CAPN8: variants seen among roughly 807,000 people sequenced by gnomAD.
CAPN8 encodes the protein calpain-8.
In CAPN8, 87 loss-of-function variants were observed where a neutral mutation model predicts 80.9. The observed-to-expected ratio is 1.07, with a 90% CI of 0.90 to 1.28. The LOEUF (loss-of-function observed/expected upper bound fraction) is 1.28, where lower values mean the gene tolerates loss of function less well. Ranked by LOEUF, CAPN8 falls within the 50% of genes most tolerant of loss-of-function variation. The probability of loss-of-function intolerance (pLI) is 0.00; values close to 1 mark genes in which losing one functional copy is unlikely to be tolerated. For synonymous variants in CAPN8, 299 were observed against 273.8 expected, an observed-to-expected ratio of 1.09 and a Z score of -0.91; for missense variants, 757 against 702.0, an observed-to-expected ratio of 1.08 and a Z score of -0.89.
intron 20 of CAPN8, among the ~76,000 whole-genome samples, chr1:223,542,528 C>T (rs1485743808): frequency 1.3e-5 from 2 of 152,140 alleles, no homozygotes; most frequent in East Asian, 3.9e-4. Flanking sequence ...AGTTCCACCG[C>T]CTCAGAATCA....
chr1:223,549,481 G>A, intron 15 of CAPN8, 99 bp from the exon 16 acceptor site: 1 of 1,526,602 alleles, frequency 6.6e-7, no homozygotes, highest in Non-Finnish European at 8.8e-7. Flanking sequence ...CCATCCAAGG[G>A]TGTGGAACCG....
chr1:223,663,723 A>G (rs1437368805), intron 1 of CAPN8, among the ~76,000 whole-genome samples: 1 of 152,186 alleles, frequency 6.6e-6, no homozygotes, highest in Admixed American at 6.5e-5. Context: ...TAGGTTTCAG[A>G]GGGGAATGGG....
rs1200817755 is a variant in CAPN8 at position 223,555,065 on chromosome 1, C to T, written c.1573-1165G>A. 2.0e-5 allele frequency among the ~76,000 whole-genome samples: 3 copies of T among 152,336 alleles called. No individual in the cohort carries two copies. In the East Asian group the frequency reaches 5.8e-4, roughly 29 times the overall value. On this transcript the variant is annotated intron_variant, in intron 13 of 20. Coordinates refer to ENST00000366872, the MANE Select transcript of CAPN8 (RefSeq NM_001143962.2). ...AAAGGCCCAATATAGCTTGATGATGCTGTACTCATAAAGATAACCACTGTA... is the reference window on the plus strand; with the variant it reads ...AAAGGCCCAATATAGCTTGATGATGTTGTACTCATAAAGATAACCACTGTA...
chr1:223,622,609 C>T, intron 7 of CAPN8: 1 of 560,370 alleles, frequency 1.8e-6, no homozygotes, highest in Admixed American at 3.4e-5. Flanking sequence ...AGCAGAAAGC[C>T]AGAATCGAAG....
chr1:223,547,505 CT>C (rs1265088018), intron 16 of CAPN8, among the ~76,000 whole-genome samples: 8 of 152,134 alleles, frequency 5.3e-5, no homozygotes, highest in Admixed American at 3.3e-4. Flanking sequence ...TACAGGGTTT[CT>C]TTTTAGGGTG....
intron 16 of CAPN8, 90 bp downstream of exon 16, chr1:223,549,228 G>A (rs533802238): frequency 1.9e-5 from 29 of 1,496,248 alleles, no homozygotes; most frequent in Admixed American, 1.3e-4. Flanking sequence ...TTTTTTACCC[G>A]TCCCTTCCTT....
intron 15 of CAPN8, 107 bp downstream of exon 15, chr1:223,550,853 C>T: frequency 1.6e-6 from 1 of 642,106 alleles, no homozygotes; most frequent in Non-Finnish European, 2.8e-6. Flanking sequence ...ACACCAATGC[C>T]CTTTCTCCCA....
intron 18 of CAPN8, 186 bp from the exon 19 acceptor site, chr1:223,544,369 G>C (rs1312498530): frequency 3.4e-6 from 2 of 597,000 alleles, no homozygotes; most frequent in African/African-American, 3.7e-5. Context: ...TCTCCTTGTA[G>C]CTACTCCTCA....
chr1:223,660,377 C>T (rs185221688), intron 1 of CAPN8, among the ~76,000 whole-genome samples: 120 of 152,282 alleles, frequency 7.9e-4, no homozygotes, highest in African/African-American at 2.7e-3. Context: ...CAAAAATCTA[C>T]CTGCTAAGAA....
At chr1:223,658,215 T>G (rs1007894264) in intron 1 of CAPN8, among the ~76,000 whole-genome samples, 1 of 152,214 alleles carries the variant, frequency 6.6e-6, no homozygotes, top group Non-Finnish European at 1.5e-5. Flanking sequence ...TATCTTCAAT[T>G]ACCTGTGTCA....
intron 9 of CAPN8, chr1:223,618,355 G>T (rs989939765): frequency 7.8e-6 from 12 of 1,543,232 alleles, no homozygotes; most frequent in Non-Finnish European, 9.6e-6. Flanking sequence ...AGGACCCAGG[G>T]TTAGTGCGGA....
At chr1:223,551,479 C>T (rs79810607) in intron 14 of CAPN8, among the ~76,000 whole-genome samples, 2 of 152,212 alleles carry the variant, frequency 1.3e-5, no homozygotes. Context: ...TCTTTAAAAA[C>T]TCAAATTATC....
intron 6 of CAPN8, 56 bp downstream of exon 6, chr1:223,625,749 T>G: frequency 6.9e-7 from 1 of 1,454,334 alleles, no homozygotes. Context: ...CGAGATGGCT[T>G]GGATTCATGG....
chr1:223,657,170 T>C (rs1658517377), intron 1 of CAPN8, among the ~76,000 whole-genome samples: 1 of 152,134 alleles, frequency 6.6e-6, no homozygotes, highest in Admixed American at 6.5e-5. Context: ...TTTCAGTCTT[T>C]TGCAATCTCT....
chr1:223,541,978 C>G, intron 20 of CAPN8, 119 bp from the exon 21 acceptor site: 1 of 1,478,288 alleles, frequency 6.8e-7, no homozygotes, highest in East Asian at 2.5e-5. Context: ...CCAGTAAGTG[C>G]CTTGCTCAAA....
chr1:223,556,551 A>C (rs1449218841), intron 13 of CAPN8, among the ~76,000 whole-genome samples: 1 of 152,202 alleles, frequency 6.6e-6, no homozygotes, highest in South Asian at 2.1e-4. Flanking sequence ...TCAGTCATAA[A>C]GAAACCTGTG....
chr1:223,644,853 TG>T (rs1658145662), intron 2 of CAPN8, among the ~76,000 whole-genome samples: 1 of 152,210 alleles, frequency 6.6e-6, no homozygotes, highest in South Asian at 2.1e-4. Flanking sequence ...ATCAGAGTTG[TG>T]GCCCCCAGAG....
intron 14 of CAPN8, among the ~76,000 whole-genome samples, chr1:223,551,443 C>G (rs1656784849): frequency 6.6e-6 from 1 of 152,172 alleles, no homozygotes; most frequent in Non-Finnish European, 1.5e-5. Flanking sequence ...GCCCGGCTGG[C>G]CCTGTGATTT....
intron 2 of CAPN8, chr1:223,642,930 G>A: frequency 2.5e-6 from 1 of 395,114 alleles, no homozygotes; most frequent in South Asian, 1.8e-5. Flanking sequence ...ATGCTACTTA[G>A]AGGGAAACAT....
Sources: allele counts gnomAD v4.1 joint callset (sites outside exome capture counted in the v4.1 genomes callset), GRCh38; gene constraint gnomAD v4.1.1; transcripts MANE v1.5; gene names NCBI Gene and HGNC (gene_info 2026-07-23, HGNC 2026-07-21).